The following KLLN variants were observed in gnomAD, a reference collection of about 807,000 sequenced individuals.
KLLN encodes the protein killin, p53 regulated DNA replication inhibitor, also known as killin.
For missense variants in KLLN, 340 were observed against 241.3 expected, an observed-to-expected ratio of 1.41 and a Z score of -2.71; for synonymous variants, 142 against 102.2, an observed-to-expected ratio of 1.39 and a Z score of -2.35.
In KLLN at chr10:87,861,755, G is replaced by A; in HGVS notation, c.*196C>T. Reference sequence around the variant, plus strand: ...ACCAGCTCAGGGGTAGTGACTGGACGTTTGTTGCAACATCGGAGAATGCAC... The same window carrying A: ...ACCAGCTCAGGGGTAGTGACTGGACATTTGTTGCAACATCGGAGAATGCAC... On this transcript the variant is annotated 3_prime_UTR_variant, in exon 1 of 1. Coordinates refer to ENST00000445946, the MANE Select transcript of KLLN (RefSeq NM_001126049.2). 1 of 518,358 alleles carries A rather than the reference G, an allele frequency of 1.9e-6. No homozygotes were observed. Among genetic ancestry groups the A allele is most frequent in the Non-Finnish European group, 3.3e-6 (1 of 300,186 alleles). 32.1% of individuals were successfully genotyped at this position (518,358 alleles called of 1,614,324 possible).
Position 87,862,944 on chromosome 10 carries a change from G to T in KLLN, c.-457C>A. On this transcript the variant is annotated 5_prime_UTR_variant, in exon 1 of 1. Coordinates refer to ENST00000445946, the MANE Select transcript of KLLN (RefSeq NM_001126049.2). The stretch of plus-strand genomic sequence containing the variant: ...AAGGCTGTTACAGTCAAATCTCTGC[G>T]AACGATTGTGATCCGACAGCGGTGC... 5.2e-6 allele frequency: 1 copy of T among 193,182 alleles called. No individual in the cohort carries two copies. The allele number at this position is 193,182 out of a possible 1,614,324, so 12.0% of individuals were successfully genotyped here. A position where few individuals can be genotyped will look rare whatever the true frequency, so the allele number is the denominator to read the frequency against.
chr10:87,862,041 C>T, the KLLN span: 2 of 1,488,950 alleles, frequency 1.3e-6, no homozygotes, highest in Non-Finnish European at 9.0e-7. Context: ...TCGGCGGCAG[C>T]CAGCAGGCGG....
In KLLN at chr10:87,862,321, G is replaced by C. The variant is rs937336923; in HGVS notation, c.167C>G (p.Thr56Arg). Residue 56 changes from threonine (T) to arginine (R), a missense_variant, in exon 1 of 1, where the codon ACA (threonine) becomes AGA (arginine). Physicochemically the swap from Thr to Arg is moderately conservative, Grantham distance 71 (BLOSUM62 -1). Transcript: ENST00000445946. The stretch of plus-strand genomic sequence containing the variant: ...CCTCCTTCGGAAAGTAGTTCCGACT[G>C]TGGCCCGTGTATCCTTCCACCTCCT... Reference protein sequence around the residue: ...FKRRWKDTRATVGTTFRRRSR... With the variant: ...FKRRWKDTRARVGTTFRRRSR... 1.4e-5 allele frequency: 22 copies of C among 1,551,638 alleles called. No homozygotes were observed. In the Middle Eastern group the frequency reaches 5.0e-4, roughly 35 times the overall value.
At position 87,862,359 on chromosome 10, in the gene KLLN, T is replaced by C. The variant is rs989170591; in HGVS notation, c.129A>G (p.Leu43=). 6.4e-7 allele frequency: 1 copy of C among 1,551,630 alleles called. No homozygotes were observed. The highest frequency in any genetic ancestry group is 8.7e-7 in the Non-Finnish European group (1 of 1,146,962). Residue 43 remains leucine (L), a synonymous_variant, in exon 1 of 1, where the codon CTA becomes CTG. Transcript: ENST00000445946. ...CCTTCCACCTCCTTTTGAACCCTCC[T>C]AGGTCTCCTCGCCCCGCCCACTCGC... The part of the protein sequence containing the change: ...QPSEWAGRGD[L]GGFKRRWKDT...
rs1858270999 is a variant in KLLN, at chr10:87,862,132, A to G, written c.356T>C (p.Leu119Pro). 1 of 1,549,284 alleles carries G rather than the reference A, an allele frequency of 6.5e-7. No homozygotes were observed. Among genetic ancestry groups the G allele is most frequent in the East Asian group, 2.4e-5 (1 of 40,880 alleles). ...AAAETGARTSLPKERCRGWRL... is the reference protein window; with the variant it reads ...AAAETGARTSPPKERCRGWRL... Reference sequence around the variant, plus strand: ...CCAGCCCCGACAGCGCTCCTTCGGGAGGCTGGTCCGAGCCCCTGTTTCCGC... The same window carrying G: ...CCAGCCCCGACAGCGCTCCTTCGGGGGGCTGGTCCGAGCCCCTGTTTCCGC... Residue 119 changes from leucine to proline, a missense_variant, in exon 1 of 1, where the codon CTC (leucine) becomes CCC (proline). Physicochemically the swap from Leu to Pro is moderately conservative, Grantham distance 98 (BLOSUM62 -3). Transcript: ENST00000445946.
chr10:87,861,854 G>T lies in KLLN; in HGVS notation c.*97C>A. On this transcript the variant is annotated 3_prime_UTR_variant, in exon 1 of 1. Coordinates refer to ENST00000445946, the MANE Select transcript of KLLN (RefSeq NM_001126049.2). ...TCACCCTAAGCGGCAGGGCATCAGC[G>T]ATGGAGAGGCCCGAGAGCCCTAGCG... is the stretch of plus-strand genomic sequence containing the variant. 8.4e-7 allele frequency: 1 copy of T among 1,188,638 alleles called. No homozygotes were observed. 73.6% of individuals were successfully genotyped at this position (1,188,638 alleles called of 1,614,324 possible).
In KLLN at chr10:87,861,986, G is replaced by A. The variant is rs1415947049; in HGVS notation, c.502C>T (p.Leu168Phe). Residue 168 changes from leucine (L) to phenylalanine (F), a missense_variant, in exon 1 of 1, where the codon CTC (leucine) becomes TTC (phenylalanine). Coordinates refer to ENST00000445946, the MANE Select transcript of KLLN (RefSeq NM_001126049.2). Reference protein sequence around the residue: ...GERVPKLVPLLACYPKSKPKD With the variant: ...GERVPKLVPLFACYPKSKPKD ...GGCTTGCTCTTAGGGTAGCAGGCGAGGAGTGGCACCAGTTTGGGGACTCTC... is the reference window on the plus strand; with the variant it reads ...GGCTTGCTCTTAGGGTAGCAGGCGAAGAGTGGCACCAGTTTGGGGACTCTC... 2.0e-6 allele frequency: 3 copies of A among 1,467,052 alleles called. No homozygotes were observed. In the Admixed American group the frequency reaches 8.2e-5, roughly 40 times the overall value. The allele number at this position is 1,467,052 out of a possible 1,614,324, so 90.9% of individuals were successfully genotyped here. A position where few individuals can be genotyped will look rare whatever the true frequency, so the allele number is the denominator to read the frequency against.
chr10:87,862,047 G>A lies in KLLN; in HGVS notation c.441C>T (p.Ala147=). 4 of 1,491,578 alleles carry A rather than the reference G, an allele frequency of 2.7e-6. No homozygotes were observed. The highest frequency in any genetic ancestry group is 3.6e-6 in the Non-Finnish European group (4 of 1,118,256). The allele number at this position is 1,491,578 out of a possible 1,614,324, so 92.4% of individuals were successfully genotyped here. The change falls in exon 1 of 1, where the codon GCC becomes GCT. Residue 147 remains alanine, a synonymous_variant. Transcript: ENST00000445946. ...PHPNTCPRLP[A]CWLPPILTER... is the part of the protein sequence containing the mutation. ...CTGTAAGAATCGGCGGCAGCCAGCA[G>A]GCGGGGAGGCGGGGGCACGTGTTTG...
rs1858279738 is a variant in KLLN at position 87,862,301 on chromosome 10, T to G, written c.187A>C (p.Arg63=). The G allele has an allele frequency of 6.4e-7, 1 of 1,551,634 alleles. No homozygotes were observed. Among genetic ancestry groups the G allele is most frequent in the Non-Finnish European group, 8.7e-7 (1 of 1,147,000 alleles). Residue 63 remains arginine (R), a synonymous_variant, in exon 1 of 1, where the codon AGG becomes CGG. Transcript: ENST00000445946. The part of the protein sequence containing the change: ...TRATVGTTFR[R]RSRVSLVGEL... ...CCAACTAGGGACACACGTGACCTCC[T>G]TCGGAAAGTAGTTCCGACTGTGGCC...
Position 87,859,687 on chromosome 10 carries a change from C to T in KLLN, c.*2264G>A, listed in dbSNP as rs1858225045. 1 of 152,238 alleles carries T rather than the reference C, an allele frequency of 6.6e-6. No homozygotes were observed. The highest frequency in any genetic ancestry group is 1.9e-4 in the East Asian group (1 of 5,186). 9.4% of individuals were successfully genotyped at this position (152,238 alleles called of 1,614,324 possible). The stretch of plus-strand genomic sequence containing the variant: ...TATATAATTGTCCCTTTGTTACAAG[C>T]TTCTACTTCTCCCTATGGTATTCTG... On this transcript the variant is annotated 3_prime_UTR_variant, in exon 1 of 1. Coordinates refer to ENST00000445946, the MANE Select transcript of KLLN (RefSeq NM_001126049.2).
rs1291663041 is a variant in KLLN at position 87,861,889 on chromosome 10, T to C, written c.*62A>G. The C allele has an allele frequency of 3.5e-6, 5 of 1,418,040 alleles. No homozygotes were observed. The African/African-American group carries it at 5.8e-5, about 16-fold the overall frequency. The allele number at this position is 1,418,040 out of a possible 1,614,324, so 87.8% of individuals were successfully genotyped here. A position where few individuals can be genotyped will look rare whatever the true frequency, so the allele number is the denominator to read the frequency against. On this transcript the variant is annotated 3_prime_UTR_variant, in exon 1 of 1. Coordinates refer to ENST00000445946, the MANE Select transcript of KLLN (RefSeq NM_001126049.2). ...CCCGAGAGCCCTAGCGCCCAGCTCC[T>C]TTTCCCACGTTTGGGAAGGCGCAGA... is the stretch of plus-strand genomic sequence containing the variant.
chr10:87,862,001 T>C lies in KLLN; in HGVS notation c.487A>G (p.Lys163Glu). The change falls in exon 1 of 1, where the codon AAA becomes GAA. Residue 163 changes from lysine to glutamate, a missense_variant. Coordinates refer to ENST00000445946, the MANE Select transcript of KLLN (RefSeq NM_001126049.2). ...ILTERGERVP[K>E]LVPLLACYPK... ...TAGCAGGCGAGGAGTGGCACCAGTTTGGGGACTCTCTCCCCGCGTTCTGTA... is the reference window on the plus strand; with the variant it reads ...TAGCAGGCGAGGAGTGGCACCAGTTCGGGGACTCTCTCCCCGCGTTCTGTA... 2 of 1,475,038 alleles carry C rather than the reference T, an allele frequency of 1.4e-6. No homozygotes were observed. Among genetic ancestry groups the C allele is most frequent in the East Asian group, 4.9e-5 (2 of 40,440 alleles). 91.4% of individuals were successfully genotyped at this position (1,475,038 alleles called of 1,614,324 possible). A position where few individuals can be genotyped will look rare whatever the true frequency, so the allele number is the denominator to read the frequency against.
In KLLN at chr10:87,860,685, T is replaced by C. The variant is rs1858241614; in HGVS notation, c.*1266A>G. The C allele has an allele frequency of 6.6e-6, 1 of 152,224 alleles. No homozygotes were observed. The highest frequency in any genetic ancestry group is 1.5e-5 in the Non-Finnish European group (1 of 68,040). The allele number at this position is 152,224 out of a possible 1,614,324, so 9.4% of individuals were successfully genotyped here. ...AATAACAGGGACTCTGGAGACAAGA[T>C]CAGCAATCTAAGAAACAAATGTGAG... On this transcript the variant is annotated 3_prime_UTR_variant, in exon 1 of 1. Transcript: ENST00000445946.
Position 87,861,969 on chromosome 10 carries a change from C to G in KLLN, c.519G>C (p.Lys173Asn), listed in dbSNP as rs185550921. The change falls in exon 1 of 1, where the codon AAG becomes AAC. Residue 173 changes from lysine to asparagine, a missense_variant. Transcript: ENST00000445946. ...TCAGGTCTCAGTCCTTTGGCTTGCTCTTAGGGTAGCAGGCGAGGAGTGGCA... is the reference window on the plus strand; with the variant it reads ...TCAGGTCTCAGTCCTTTGGCTTGCTGTTAGGGTAGCAGGCGAGGAGTGGCA... ...KLVPLLACYPKSKPKD is the reference protein window; with the variant it reads ...KLVPLLACYPNSKPKD The G allele has an allele frequency of 1.4e-6, 2 of 1,463,652 alleles. No individual in the cohort carries two copies. Among genetic ancestry groups the G allele is most frequent in the Admixed American group, 2.8e-5 (1 of 35,932 alleles). 90.7% of individuals were successfully genotyped at this position (1,463,652 alleles called of 1,614,324 possible).
chr10:87,861,860 G>C lies in KLLN; in HGVS notation c.*91C>G, dbSNP rs1447975711. 8.0e-7 allele frequency: 1 copy of C among 1,247,150 alleles called. No individual in the cohort carries two copies. Among genetic ancestry groups the C allele is most frequent in the African/African-American group, 1.5e-5 (1 of 65,974 alleles). The allele number at this position is 1,247,150 out of a possible 1,614,324, so 77.3% of individuals were successfully genotyped here. On this transcript the variant is annotated 3_prime_UTR_variant, in exon 1 of 1. Coordinates refer to ENST00000445946, the MANE Select transcript of KLLN (RefSeq NM_001126049.2). Reference sequence around the variant, plus strand: ...TAAGCGGCAGGGCATCAGCGATGGAGAGGCCCGAGAGCCCTAGCGCCCAGC... The same window carrying C: ...TAAGCGGCAGGGCATCAGCGATGGACAGGCCCGAGAGCCCTAGCGCCCAGC...
Position 87,862,599 on chromosome 10 carries a change from ACT to A in KLLN, c.-114_-113del. On this transcript the variant is annotated 5_prime_UTR_variant, in exon 1 of 1. Transcript: ENST00000445946. ...TGGAGCCCGAGGGGAAAGATGCTCG[ACT>A]CTCTTGGGGGCACCGGAGCGGGCGC... 1 of 1,029,068 alleles carries A rather than the reference ACT, an allele frequency of 9.7e-7. No individual in the cohort carries two copies. The highest frequency in any genetic ancestry group is 2.6e-5 in the East Asian group (1 of 38,166). 63.7% of individuals were successfully genotyped at this position (1,029,068 alleles called of 1,614,324 possible).
chr10:87,862,977 AAG>A lies in KLLN; in HGVS notation c.-492_-491del, dbSNP rs556751243. 351 of 184,408 alleles carry A rather than the reference AAG, an allele frequency of 1.9e-3. 1 individual carries two copies. Among genetic ancestry groups the A allele is most frequent in the Non-Finnish European group, 2.7e-3 (207 of 77,378 alleles). The allele number at this position is 184,408 out of a possible 1,614,324, so 11.4% of individuals were successfully genotyped here. On this transcript the variant is annotated 5_prime_UTR_variant, in exon 1 of 1. It removes the in-frame stop codon of an upstream open reading frame in the 5' UTR. Transcript: ENST00000445946. ...GTGATCCGACAGCGGTGCAAAAGGAAAGAGCGAATGCAGTCCACGCCGCGGAA... is the reference window on the plus strand; with the variant it reads ...GTGATCCGACAGCGGTGCAAAAGGAAAGCGAATGCAGTCCACGCCGCGGAA...
Position 87,861,909 on chromosome 10 carries a change from C to A in KLLN, c.*42G>T. The A allele has an allele frequency of 6.9e-7, 1 of 1,445,654 alleles. No homozygotes were observed. The highest frequency in any genetic ancestry group is 9.1e-7 in the Non-Finnish European group (1 of 1,095,310). 89.6% of individuals were successfully genotyped at this position (1,445,654 alleles called of 1,614,324 possible). On this transcript the variant is annotated 3_prime_UTR_variant, in exon 1 of 1. Transcript: ENST00000445946. ...GCTCCTTTTCCCACGTTTGGGAAGG[C>A]GCAGAATAGGTCGATGTAGAGCAAG... is the stretch of plus-strand genomic sequence containing the variant.
Position 87,863,518 on chromosome 10 carries a change from C to G in KLLN, c.-1031G>C. The stretch of plus-strand genomic sequence containing the variant: ...CGGTCTTCCGAGGCGCCCGGGCTCC[C>G]GGCGCGGCGGCGGAGGGGGCGGGCA... On this transcript the variant is annotated 5_prime_UTR_variant, in exon 1 of 1. Coordinates refer to ENST00000445946, the MANE Select transcript of KLLN (RefSeq NM_001126049.2). 5.2e-6 allele frequency: 2 copies of G among 385,234 alleles called. No individual in the cohort carries two copies. 23.9% of individuals were successfully genotyped at this position (385,234 alleles called of 1,614,324 possible). A position where few individuals can be genotyped will look rare whatever the true frequency, so the allele number is the denominator to read the frequency against.
Sources: gnomAD v4.1 joint callset for allele counts on GRCh38, gnomAD v4.1.1 for gene constraint, MANE v1.5 for transcripts, NCBI Gene and HGNC (gene_info 2026-07-23, HGNC 2026-07-21) for gene names.